NEGR1: variants seen among roughly 807,000 people sequenced by gnomAD.
NEGR1 encodes the protein neuronal growth regulator 1.
NEGR1 carries 10 observed loss-of-function variants against 40.9 expected under a neutral mutation model. The ratio of observed to expected loss-of-function variants is 0.24; its 90% CI spans 0.15 to 0.42. The LOEUF is 0.42. Ranked by LOEUF, NEGR1 falls within the 10% of genes least tolerant of loss-of-function variation. The pLI is 1.00. For synonymous variants in NEGR1, 185 were observed against 166.8 expected (o/e 1.11, Z -0.84); for missense variants, 352 against 438.9 (o/e 0.80, Z 1.77).
intron 2 of NEGR1, among the ~76,000 whole-genome samples, chr1:71,860,177 G>C (rs1476311584): frequency 2.0e-5 from 3 of 148,978 alleles, no homozygotes; most frequent in Non-Finnish European, 4.4e-5. Flanking sequence ...CTGGTAGAGG[G>C]CAGTCAAAAT....
chr1:71,726,815 C>T (rs1654691796), intron 3 of NEGR1, among the ~76,000 whole-genome samples: 1 of 151,962 alleles, frequency 6.6e-6, no homozygotes, highest in Admixed American at 6.6e-5. Flanking sequence ...GTAGAGTCAG[C>T]CTATCCTAAC....
chr1:72,003,071 G>C (rs1646571502), intron 1 of NEGR1, among the ~76,000 whole-genome samples: 1 of 152,116 alleles, frequency 6.6e-6, no homozygotes, highest in Non-Finnish European at 1.5e-5. Flanking sequence ...AAAAAACAGT[G>C]ATTTAAAGAA....
At chr1:71,733,896 T>C (rs779439500) in intron 3 of NEGR1, among the ~76,000 whole-genome samples, 4 of 152,226 alleles carry the variant, frequency 2.6e-5, no homozygotes, top group African/African-American at 4.8e-5. Flanking sequence ...AACTTGTTCA[T>C]TGATTTCAAC....
rs569437290 is a variant in NEGR1, at chr1:71,408,234, C to T, written c.941-664G>A. Among the ~76,000 whole-genome samples the T allele has an allele frequency of 5.3e-5, 8 of 151,962 alleles. No individual in the cohort carries two copies. The South Asian group carries it at 1.0e-3, about 20-fold the overall frequency. On this transcript the variant is annotated intron_variant, in intron 6 of 6. Transcript: ENST00000357731. ...AATAAAAGGACAGAGCAAGGTGTGTCGTATAGAATATAAAGGTAGATTTAG... is the reference window on the plus strand; with the variant it reads ...AATAAAAGGACAGAGCAAGGTGTGTTGTATAGAATATAAAGGTAGATTTAG...
chr1:71,974,815 A>G (rs561441992), intron 1 of NEGR1, among the ~76,000 whole-genome samples: 91 of 152,292 alleles, frequency 6.0e-4, no homozygotes, highest in African/African-American at 2.2e-3. Flanking sequence ...CTTTGAAAAG[A>G]TGTATACCTT....
chr1:71,612,345 T>C (rs1650290180), intron 4 of NEGR1, among the ~76,000 whole-genome samples: 1 of 152,244 alleles, frequency 6.6e-6, no homozygotes, highest in Admixed American at 6.5e-5. Flanking sequence ...TCTTTGTATA[T>C]TCCAAGATCA....
chr1:72,011,831 G>A (rs1286705067), intron 1 of NEGR1, among the ~76,000 whole-genome samples: 1 of 152,026 alleles, frequency 6.6e-6, no homozygotes, highest in Non-Finnish European at 1.5e-5. Flanking sequence ...AAGGCACAAA[G>A]GCAAACGAAT....
intron 1 of NEGR1, among the ~76,000 whole-genome samples, chr1:72,135,515 G>A (rs1310316164): frequency 6.7e-6 from 1 of 149,216 alleles, no homozygotes; most frequent in Non-Finnish European, 1.5e-5. Flanking sequence ...AAACAAATGA[G>A]TTAGATCTAT....
intron 1 of NEGR1, among the ~76,000 whole-genome samples, chr1:72,157,214 T>C (rs1651392365): frequency 6.6e-6 from 1 of 152,096 alleles, no homozygotes; most frequent in Admixed American, 6.6e-5. Flanking sequence ...CAAGTGATCC[T>C]CCTGCTTTGG....
chr1:72,103,708 T>A (rs1649028629), intron 1 of NEGR1, among the ~76,000 whole-genome samples: 1 of 152,076 alleles, frequency 6.6e-6, no homozygotes. Context: ...TTCTCTCTAT[T>A]TCTCAGGTTT....
chr1:72,201,792 G>C (rs570294545), intron 1 of NEGR1, among the ~76,000 whole-genome samples: 7 of 151,776 alleles, frequency 4.6e-5, no homozygotes, highest in Non-Finnish European at 1.0e-4. Context: ...TGTAATTTTA[G>C]TAAAAAGGTA....
intron 6 of NEGR1, among the ~76,000 whole-genome samples, chr1:71,528,864 A>G (rs1422470186): frequency 1.3e-5 from 2 of 151,216 alleles, no homozygotes; most frequent in Non-Finnish European, 3.0e-5. Flanking sequence ...CTTAAAAATG[A>G]TCTTAAAACA....
intron 6 of NEGR1, among the ~76,000 whole-genome samples, chr1:71,574,166 T>G (rs983065719): frequency 6.6e-6 from 1 of 152,214 alleles, no homozygotes; most frequent in Non-Finnish European, 1.5e-5. Context: ...AATATTGTTC[T>G]CTTGTAACAG....
intron 1 of NEGR1, among the ~76,000 whole-genome samples, chr1:72,277,077 T>A (rs1318348341): frequency 6.6e-6 from 1 of 152,086 alleles, no homozygotes; most frequent in Non-Finnish European, 1.5e-5. Context: ...CCCAAAACAA[T>A]GAAAGAAGGG....
At chr1:72,104,788 T>C (rs2100253564) in intron 1 of NEGR1, among the ~76,000 whole-genome samples, 1 of 152,230 alleles carries the variant, frequency 6.6e-6, no homozygotes, top group East Asian at 1.9e-4. Flanking sequence ...TTGTATCTCA[T>C]TGCTTAGCAC....
intron 1 of NEGR1, among the ~76,000 whole-genome samples, chr1:72,126,134 T>TGTGTGTGTGTGA (rs1405372516): frequency 2.9e-5 from 4 of 136,990 alleles, no homozygotes; most frequent in South Asian, 2.3e-4. Context: ...TGTGTGTGTG[T>TGTGTGTGTGTGA]GAAAGACAGA....
chr1:71,851,644 C>T (rs759894826), intron 2 of NEGR1, among the ~76,000 whole-genome samples: 25 of 151,988 alleles, frequency 1.6e-4, no homozygotes, highest in East Asian at 7.8e-4. Flanking sequence ...TAAAATACCA[C>T]GGTAGCTGAT....
chr1:72,249,268 G>A (rs1655006469), intron 1 of NEGR1, among the ~76,000 whole-genome samples: 1 of 152,178 alleles, frequency 6.6e-6, no homozygotes, highest in Non-Finnish European at 1.5e-5. Context: ...CTGGAACCTT[G>A]ATAGTGAACT....
intron 6 of NEGR1, among the ~76,000 whole-genome samples, chr1:71,520,337 A>T (rs1406009033): frequency 1.3e-5 from 2 of 152,088 alleles, no homozygotes; most frequent in African/African-American, 4.8e-5. Context: ...AGACAGGCTG[A>T]CCTACCTCCA....
Sources: gnomAD v4.1 joint callset for allele counts (sites outside exome capture counted in the v4.1 genomes callset) on GRCh38, gnomAD v4.1.1 for gene constraint, MANE v1.5 for transcripts, NCBI Gene and HGNC (gene_info 2026-07-23, HGNC 2026-07-21) for gene names.